Variants in PRKCE observed in about 807,000 individuals in gnomAD.
The protein encoded by PRKCE is protein kinase C epsilon.
PRKCE carries 16 observed loss-of-function variants against 85.4 expected under a neutral mutation model. That is an observed-to-expected ratio of 0.19 (90% CI 0.13 to 0.28). PRKCE has a LOEUF of 0.28. Ranked by LOEUF, PRKCE falls within the 10% of genes least tolerant of loss-of-function variation. The pLI is 1.00. For synonymous variants in PRKCE, 388 were observed against 371.5 expected, an observed-to-expected ratio of 1.04 and a Z score of -0.51; for missense variants, 573 against 975.2, an observed-to-expected ratio of 0.59 and a Z score of 5.49.
At chr2:45,659,744 C>T (rs933820947) in intron 1 of PRKCE, among the ~76,000 whole-genome samples, 23 of 152,120 alleles carry the variant, frequency 1.5e-4, no homozygotes, top group African/African-American at 5.6e-4. Flanking sequence ...CTCAAGTCTT[C>T]GCTCAGATGT....
intron 9 of PRKCE, among the ~76,000 whole-genome samples, chr2:46,009,698 A>T (rs1354661253): frequency 6.6e-6 from 1 of 152,232 alleles, no homozygotes; most frequent in African/African-American, 2.4e-5. Flanking sequence ...TGTGTACAAA[A>T]ATACTCAATG....
At position 45,786,847 on chromosome 2, in the gene PRKCE, A is replaced by T. The variant is rs1420323377; in HGVS notation, c.349-56153A>T. 1.3e-5 allele frequency among the ~76,000 whole-genome samples: 2 copies of T among 152,226 alleles called. No homozygotes were observed. Among genetic ancestry groups the T allele is most frequent in the African/African-American group, 4.8e-5 (2 of 41,452 alleles). On this transcript the variant is annotated intron_variant, in intron 1 of 14. Coordinates refer to ENST00000306156, the MANE Select transcript of PRKCE (RefSeq NM_005400.3). This position sits in a 1 kb window ranked among gnomAD's most constrained non-coding sequence, Gnocchi z 5.3. ...AACCGAGGGTTTAGACAGCTGAAGT[A>T]ACTTGCACAAAATCACATGGCAATA... is the stretch of plus-strand genomic sequence containing the variant.
At position 45,922,808 on chromosome 2, in the gene PRKCE, C is replaced by G. The variant is rs192043551; in HGVS notation, c.413-53621C>G. Among the ~76,000 whole-genome samples, 295 of 152,306 alleles carry G rather than the reference C, an allele frequency of 1.9e-3. 2 individuals are homozygous for G. The highest frequency in any genetic ancestry group is 6.9e-3 in the African/African-American group (288 of 41,564). On this transcript the variant is annotated intron_variant, in intron 2 of 14. Transcript: ENST00000306156. ...ACACAGTGCAAACGGGTGTATCTTC[C>G]AGTGCTGGGATGTGCTTAAACGCCT...
chr2:45,941,506 G>C (rs550658928), intron 2 of PRKCE, among the ~76,000 whole-genome samples: 1 of 152,298 alleles, frequency 6.6e-6, no homozygotes, highest in East Asian at 1.9e-4. Flanking sequence ...TAAAGCGTTA[G>C]ACTCTGCAGC....
chr2:46,070,421 A>G (rs1404392374), intron 10 of PRKCE, among the ~76,000 whole-genome samples: 1 of 152,212 alleles, frequency 6.6e-6, no homozygotes, highest in South Asian at 2.1e-4. Context: ...AGGAGGGTGG[A>G]TCACGAGGTC....
intron 2 of PRKCE, among the ~76,000 whole-genome samples, chr2:45,889,310 G>C (rs1187972427): frequency 6.6e-6 from 1 of 152,106 alleles, no homozygotes; most frequent in Non-Finnish European, 1.5e-5. Context: ...AGCCAGGACA[G>C]CAAAGCCCTA....
Position 45,869,703 on chromosome 2 carries a change from T to C in PRKCE, c.412+26640T>C, listed in dbSNP as rs1210811275. ...TTTTGTTTTTGTTTTTGTTTCTCTC[T>C]CTCTTTTTTTTTTTTTTTTTTTGAG... On this transcript the variant is annotated intron_variant, in intron 2 of 14. Coordinates refer to ENST00000306156, the MANE Select transcript of PRKCE (RefSeq NM_005400.3). Among the ~76,000 whole-genome samples the C allele has an allele frequency of 7.5e-5, 8 of 106,572 alleles. 1 individual carries two copies. The highest frequency in any genetic ancestry group is 2.6e-4 in the African/African-American group (8 of 31,042). The allele number at this position is 106,572 out of a possible 152,430, so 69.9% of individuals were successfully genotyped here.
intron 2 of PRKCE, among the ~76,000 whole-genome samples, chr2:45,903,911 G>GTTTTTT (rs1371845316): frequency 5.5e-4 from 46 of 83,688 alleles, no homozygotes; most frequent in African/African-American, 1.5e-3. Flanking sequence ...TTGTTTGTTT[G>GTTTTTT]TTTGTTTTTT....
chr2:45,714,398 G>A (rs1361727664), intron 1 of PRKCE, among the ~76,000 whole-genome samples: 1 of 152,216 alleles, frequency 6.6e-6, no homozygotes, highest in African/African-American at 2.4e-5. Flanking sequence ...GTAAGGAAAG[G>A]GAAATAAGTG....
intron 1 of PRKCE, among the ~76,000 whole-genome samples, chr2:45,773,998 G>T (rs1360662550): frequency 6.6e-6 from 1 of 152,212 alleles, no homozygotes; most frequent in East Asian, 1.9e-4. Context: ...CGTGGCTGCT[G>T]CTGTCTGCCA....
chr2:45,740,584 C>T (rs1356254599), intron 1 of PRKCE, among the ~76,000 whole-genome samples: 7 of 152,208 alleles, frequency 4.6e-5, no homozygotes, highest in Non-Finnish European at 8.8e-5. Context: ...AGAGCATCCT[C>T]AGCTCCAGGA....
At chr2:45,800,985 G>C (rs1362021161) in intron 1 of PRKCE, among the ~76,000 whole-genome samples, 1 of 152,216 alleles carries the variant, frequency 6.6e-6, no homozygotes, top group African/African-American at 2.4e-5. Context: ...GCCTGGGAAA[G>C]ATTCCTCAAC....
chr2:45,879,875 T>C (rs1222911939), intron 2 of PRKCE, among the ~76,000 whole-genome samples: 2 of 152,250 alleles, frequency 1.3e-5, no homozygotes, highest in African/African-American at 4.8e-5. Context: ...TATTTCTTTG[T>C]GTTGGGAATG....
intron 2 of PRKCE, among the ~76,000 whole-genome samples, chr2:45,870,362 G>A (rs1188794235): frequency 3.3e-5 from 5 of 152,194 alleles, no homozygotes; most frequent in African/African-American, 4.8e-5. Flanking sequence ...GCTATTAGCA[G>A]CACGCTCCAG....
chr2:46,071,781 A>G (rs1303367854), intron 10 of PRKCE, among the ~76,000 whole-genome samples: 1 of 152,218 alleles, frequency 6.6e-6, no homozygotes, highest in African/African-American at 2.4e-5. Context: ...CCATCAGTCT[A>G]AATCAAAGCT....
chr2:45,954,279 A>C (rs1281469810), intron 2 of PRKCE, among the ~76,000 whole-genome samples: 1 of 152,220 alleles, frequency 6.6e-6, no homozygotes, highest in East Asian at 1.9e-4. Context: ...TGGCTTCCTT[A>C]TCACTAAATA....
chr2:45,777,722 G>C (rs1312900801), intron 1 of PRKCE, among the ~76,000 whole-genome samples: 1 of 152,092 alleles, frequency 6.6e-6, no homozygotes, highest in Non-Finnish European at 1.5e-5. Context: ...GAAAGAGTCA[G>C]GATTTGGATT....
chr2:45,857,481 A>G (rs773986400), intron 2 of PRKCE, among the ~76,000 whole-genome samples: 7 of 152,230 alleles, frequency 4.6e-5, no homozygotes, highest in African/African-American at 9.6e-5. Flanking sequence ...GATGTGCCCT[A>G]TTAGCCTCTA....
At chr2:45,940,243 A>G (rs911334303) in intron 2 of PRKCE, among the ~76,000 whole-genome samples, 20 of 152,144 alleles carry the variant, frequency 1.3e-4, no homozygotes, top group Non-Finnish European at 2.6e-4. Context: ...GTGAGAGGCC[A>G]GATTAGGGGT....
Sources: gnomAD v4.1 joint callset for allele counts (sites outside exome capture counted in the v4.1 genomes callset) on GRCh38, gnomAD v4.1.1 for gene constraint, Gnocchi (gnomAD v3.1) non-coding constraint, MANE v1.5 for transcripts, NCBI Gene and HGNC (gene_info 2026-07-23, HGNC 2026-07-21) for gene names.